The following RGL1 variants were observed in gnomAD, a reference collection of about 807,000 sequenced individuals.
RGL1 encodes ral guanine nucleotide dissociation stimulator like 1.
A neutral mutation model predicts 95.2 loss-of-function variants in RGL1; 24 were observed. The ratio of observed to expected loss-of-function variants is 0.25; its 90% CI spans 0.18 to 0.35. The LOEUF is 0.35. Among genes scored for constraint, RGL1 ranks in the 10% least tolerant of loss-of-function variants. RGL1 has a pLI of 1.00. For synonymous variants in RGL1, 329 were observed against 344.9 expected, an observed-to-expected ratio of 0.95 and a Z score of 0.51; for missense variants, 715 against 936.3, an observed-to-expected ratio of 0.76 and a Z score of 3.08.
At chr1:183,880,471 G>A (rs1049301152) in intron 4 of RGL1, 145 bp from the exon 5 acceptor site, 5 of 610,330 alleles carry the variant, frequency 8.2e-6, no homozygotes, top group African/African-American at 7.4e-5. Flanking sequence ...ATCCATTGAT[G>A]TTTCTAGGAA....
chr1:183,642,230 G>A (rs987030482), intron 1 of RGL1, among the ~76,000 whole-genome samples: 1 of 151,786 alleles, frequency 6.6e-6, no homozygotes, highest in Admixed American at 6.6e-5. Context: ...CACTTAATAC[G>A]TTTATTGTGT....
At chr1:183,886,145 T>A (rs2102652974) in intron 7 of RGL1, among the ~76,000 whole-genome samples, 1 of 152,278 alleles carries the variant, frequency 6.6e-6, no homozygotes, top group South Asian at 2.1e-4. Context: ...TACATTCTCT[T>A]TTGCTGTCTT....
chr1:183,827,773 C>T (rs1297788670), intron 2 of RGL1, among the ~76,000 whole-genome samples: 1 of 152,184 alleles, frequency 6.6e-6, no homozygotes, highest in South Asian at 2.1e-4. Context: ...ATTTCCCTGG[C>T]TCAATATAAT....
Position 183,648,562 on chromosome 1 carries a change from A to T in RGL1, c.-33+12061A>T. On this transcript the variant is annotated intron_variant, in intron 1 of 18. Transcript: ENST00000304685. ...CCCTTTTGCACCAGGCTACCAGAAG[A>T]AGTTTTTAGTTCATAAAATGTGAGG... 1.2e-6 allele frequency: 2 copies of T among 1,614,212 alleles called. No homozygotes were observed. The highest frequency in any genetic ancestry group is 2.7e-5 in the African/African-American group (2 of 75,060).
chr1:183,878,785 CA>C (rs1193822231), intron 4 of RGL1, among the ~76,000 whole-genome samples: 1 of 152,134 alleles, frequency 6.6e-6, no homozygotes, highest in Non-Finnish European at 1.5e-5. Flanking sequence ...TTCAGTGAAA[CA>C]CTGTCTTGTT....
intron 1 of RGL1, among the ~76,000 whole-genome samples, chr1:183,697,970 C>T (rs1654350654): frequency 6.6e-6 from 1 of 152,346 alleles, no homozygotes; most frequent in East Asian, 1.9e-4. Context: ...TGAGAAGCAG[C>T]TTGGAGAAGC....
At chr1:183,659,131 ACT>A (rs1558138564) in intron 1 of RGL1, among the ~76,000 whole-genome samples, 1 of 152,042 alleles carries the variant, frequency 6.6e-6, no homozygotes, top group African/African-American at 2.4e-5. Flanking sequence ...AAAACTGGAA[ACT>A]CTAAAAAGCA....
At chr1:183,839,177 T>C (rs1442103017) in intron 2 of RGL1, among the ~76,000 whole-genome samples, 1 of 152,210 alleles carries the variant, frequency 6.6e-6, no homozygotes, top group Non-Finnish European at 1.5e-5. Flanking sequence ...ATACCATCCT[T>C]AGCCTACTAC....
At chr1:183,738,772 G>T (rs1031572023) in intron 1 of RGL1, among the ~76,000 whole-genome samples, 1 of 151,670 alleles carries the variant, frequency 6.6e-6, no homozygotes, top group African/African-American at 2.4e-5. Context: ...GTGGTGGCAG[G>T]CATCTGTAAT....
intron 2 of RGL1, among the ~76,000 whole-genome samples, chr1:183,834,590 A>G (rs1324663966): frequency 7.0e-6 from 1 of 142,762 alleles, no homozygotes; most frequent in Non-Finnish European, 1.5e-5. Flanking sequence ...CATCATCTCT[A>G]AGGTTTTTAG....
intron 2 of RGL1, among the ~76,000 whole-genome samples, chr1:183,813,529 A>G (rs1372747660): frequency 1.3e-5 from 2 of 152,150 alleles, no homozygotes; most frequent in Non-Finnish European, 2.9e-5. Context: ...TTCTTTTTTT[A>G]AAGTCTTCTG....
rs763511607 is a variant in RGL1 at position 183,695,097 on chromosome 1, G to A, written c.-32-47029G>A. Reference sequence around the variant, plus strand: ...GAGCTGAAGCCATGTAAGTGAAGGTGTGTATGACACAGTTCATGTGTGGAG... The same window carrying A: ...GAGCTGAAGCCATGTAAGTGAAGGTATGTATGACACAGTTCATGTGTGGAG... On this transcript the variant is annotated intron_variant, in intron 1 of 18. Transcript: ENST00000304685. Among the ~76,000 whole-genome samples the A allele has an allele frequency of 5.3e-5, 8 of 152,350 alleles. No homozygotes were observed. The East Asian group carries it at 9.6e-4, about 18-fold the overall frequency.
chr1:183,699,734 T>G (rs1478607423), intron 1 of RGL1, among the ~76,000 whole-genome samples: 1 of 152,170 alleles, frequency 6.6e-6, no homozygotes, highest in Admixed American at 6.5e-5. Context: ...TGCTTTGTTC[T>G]AATACTCTGT....
chr1:183,891,540 C>G (rs561754906), intron 8 of RGL1, among the ~76,000 whole-genome samples: 2 of 152,246 alleles, frequency 1.3e-5, no homozygotes, highest in African/African-American at 4.8e-5. Context: ...AGAGCCCATC[C>G]GGTTCCACCA....
At chr1:183,696,191 G>C (rs149280232) in intron 1 of RGL1, among the ~76,000 whole-genome samples, 1 of 152,174 alleles carries the variant, frequency 6.6e-6, no homozygotes, top group Non-Finnish European at 1.5e-5. Flanking sequence ...ATCAGCATTT[G>C]ACACTCTTGA....
intron 1 of RGL1, among the ~76,000 whole-genome samples, chr1:183,704,114 T>C (rs945558050): frequency 1.3e-5 from 2 of 152,168 alleles, no homozygotes; most frequent in African/African-American, 4.8e-5. Context: ...CTTGCACAGG[T>C]TGTAGGTGTA....
intron 2 of RGL1, among the ~76,000 whole-genome samples, chr1:183,781,488 C>A (rs532918669): frequency 3.6e-4 from 55 of 151,880 alleles, no homozygotes; most frequent in Non-Finnish European, 6.0e-4. Flanking sequence ...TAAACTAGGC[C>A]CCGGTTTTTC....
At chr1:183,785,590 C>T (rs1264798289) in intron 2 of RGL1, among the ~76,000 whole-genome samples, 1 of 152,072 alleles carries the variant, frequency 6.6e-6, no homozygotes, top group Non-Finnish European at 1.5e-5. Context: ...TGTCCAGCAC[C>T]CAGCACAGTA....
chr1:183,873,900 C>T (rs191203260), intron 4 of RGL1, among the ~76,000 whole-genome samples: 15 of 152,306 alleles, frequency 9.8e-5, no homozygotes, highest in African/African-American at 3.6e-4. Flanking sequence ...GCTTCCTGTT[C>T]CTTGTGCCTC....
Sources: allele counts gnomAD v4.1 joint callset (sites outside exome capture counted in the v4.1 genomes callset), GRCh38; gene constraint gnomAD v4.1.1; transcripts MANE v1.5; gene names NCBI Gene and HGNC (gene_info 2026-07-23, HGNC 2026-07-21).